The following EPHA6 variants were observed in gnomAD, a reference collection of about 807,000 sequenced individuals.
EPHA6 encodes the protein ephrin type-A receptor 6.
A neutral mutation model predicts 112.0 loss-of-function variants in EPHA6; 50 were observed. The observed-to-expected ratio is 0.45, with a 90% CI of 0.36 to 0.56. EPHA6 has a LOEUF of 0.56. Ranked by LOEUF, EPHA6 falls within the 20% of genes least tolerant of loss-of-function variation. EPHA6 has a pLI of 0.00. For missense variants in EPHA6, 1,280 were observed against 1,417.4 expected (o/e 0.90, Z 1.56); for synonymous variants, 529 against 490.7 (o/e 1.08, Z -1.03).
At chr3:97,044,117 A>G (rs2045421141) in intron 3 of EPHA6, among the ~76,000 whole-genome samples, 1 of 152,198 alleles carries the variant, frequency 6.6e-6, no homozygotes, top group Non-Finnish European at 1.5e-5. Context: ...AACCTAGAAT[A>G]CCTGCTCAGG....
intron 11 of EPHA6, among the ~76,000 whole-genome samples, chr3:97,538,007 C>T (rs1222459065): frequency 6.6e-6 from 1 of 152,088 alleles, no homozygotes; most frequent in African/African-American, 2.4e-5. Context: ...GGGAGCAAAC[C>T]ATGCCTAGGT....
chr3:96,828,887 A>G (rs2033835671), intron 1 of EPHA6, among the ~76,000 whole-genome samples: 5 of 152,182 alleles, frequency 3.3e-5, no homozygotes, highest in Admixed American at 2.0e-4. Context: ...ATTTTATCAC[A>G]TGCTGTTACT....
chr3:96,996,711 A>T (rs1259582746), intron 3 of EPHA6, among the ~76,000 whole-genome samples: 3 of 152,098 alleles, frequency 2.0e-5, no homozygotes. Flanking sequence ...GAACAGATGT[A>T]CTGTCATCAA....
At chr3:97,734,273 A>G (rs958740436) in intron 15 of EPHA6, among the ~76,000 whole-genome samples, 1 of 152,052 alleles carries the variant, frequency 6.6e-6, no homozygotes, top group East Asian at 1.9e-4. Context: ...TGGGATTTCA[A>G]TGTTGTTTTA....
At chr3:97,002,145 A>G (rs1348897318) in intron 3 of EPHA6, among the ~76,000 whole-genome samples, 1 of 151,728 alleles carries the variant, frequency 6.6e-6, no homozygotes, top group Non-Finnish European at 1.5e-5. Flanking sequence ...CTTTATGTTT[A>G]CAATTAAATA....
At chr3:97,543,427 G>A (rs2092896906) in intron 11 of EPHA6, among the ~76,000 whole-genome samples, 2 of 152,162 alleles carry the variant, frequency 1.3e-5, no homozygotes, top group Non-Finnish European at 2.9e-5. Flanking sequence ...TTATTTCTGA[G>A]GGCTCTGTTC....
chr3:97,382,318 T>A (rs1245120895), intron 5 of EPHA6, among the ~76,000 whole-genome samples: 2 of 152,096 alleles, frequency 1.3e-5, no homozygotes, highest in African/African-American at 4.8e-5. Context: ...GATGACCTTT[T>A]CTTCAATAAG....
chr3:97,406,476 C>T (rs775551792), intron 6 of EPHA6, among the ~76,000 whole-genome samples: 6 of 152,084 alleles, frequency 3.9e-5, no homozygotes, highest in Non-Finnish European at 7.4e-5. Flanking sequence ...ACCAATCCCG[C>T]AAATGAAGCC....
intron 3 of EPHA6, among the ~76,000 whole-genome samples, chr3:96,998,158 A>G (rs2043492820): frequency 6.6e-6 from 1 of 151,982 alleles, no homozygotes. Flanking sequence ...AAATTTACAC[A>G]CATTTCTATG....
chr3:96,913,777 C>A (rs2039349008), intron 2 of EPHA6, among the ~76,000 whole-genome samples: 1 of 151,952 alleles, frequency 6.6e-6, no homozygotes, highest in South Asian at 2.1e-4. Context: ...AGACAGTTTT[C>A]CAGATTAATA....
intron 14 of EPHA6, among the ~76,000 whole-genome samples, chr3:97,679,131 A>G (rs570307565): frequency 2.6e-5 from 4 of 152,228 alleles, no homozygotes; most frequent in African/African-American, 7.2e-5. Flanking sequence ...CAATTTTTCT[A>G]CTAATGATTT....
At chr3:97,747,291 A>T in intron 16 of EPHA6, 132 bp from the exon 17 acceptor site, 1 of 746,050 alleles carries the variant, frequency 1.3e-6, no homozygotes, top group Non-Finnish European at 2.0e-6. Flanking sequence ...ATAGAAAATC[A>T]GAGGCTTTCA....
chr3:97,649,883 G>A (rs984645117), intron 14 of EPHA6, among the ~76,000 whole-genome samples: 4 of 151,888 alleles, frequency 2.6e-5, no homozygotes, highest in Admixed American at 6.6e-5. Context: ...GGAAGAAATC[G>A]ATGCGCTAAT....
At chr3:97,407,226 T>C (rs1233285928) in intron 6 of EPHA6, among the ~76,000 whole-genome samples, 2 of 152,058 alleles carry the variant, frequency 1.3e-5, no homozygotes, top group African/African-American at 4.8e-5. Flanking sequence ...GGTAATCTTT[T>C]ACAGTTCTAG....
chr3:96,929,483 C>T (rs1037857981), intron 2 of EPHA6, among the ~76,000 whole-genome samples: 4 of 152,188 alleles, frequency 2.6e-5, no homozygotes, highest in African/African-American at 9.6e-5. Flanking sequence ...ATTTCTCCTT[C>T]ACTTATGAAG....
chr3:97,300,633 A>G (rs1368142387), intron 5 of EPHA6, among the ~76,000 whole-genome samples: 1 of 152,144 alleles, frequency 6.6e-6, no homozygotes, highest in African/African-American at 2.4e-5. Flanking sequence ...TCTAAATACC[A>G]GGAGACCTCT....
intron 3 of EPHA6, among the ~76,000 whole-genome samples, chr3:97,083,471 T>G (rs2046789550): frequency 6.6e-6 from 1 of 152,022 alleles, no homozygotes; most frequent in South Asian, 2.1e-4. Flanking sequence ...ACTCATTGTT[T>G]ACACCACTTC....
At chr3:96,983,495 C>T (rs574665019) in intron 2 of EPHA6, among the ~76,000 whole-genome samples, 20 of 152,184 alleles carry the variant, frequency 1.3e-4, no homozygotes, top group African/African-American at 3.9e-4. Flanking sequence ...ATTTTTTCCT[C>T]CATTTCAACT....
At chr3:97,439,953 T>C (rs1251797608) in intron 6 of EPHA6, among the ~76,000 whole-genome samples, 2 of 152,114 alleles carry the variant, frequency 1.3e-5, no homozygotes, top group East Asian at 3.9e-4. Context: ...TGTTAAATGG[T>C]TTAGCGATTC....
Sources: allele counts gnomAD v4.1 joint callset (sites outside exome capture counted in the v4.1 genomes callset), GRCh38; gene constraint gnomAD v4.1.1; transcripts MANE v1.5; gene names NCBI Gene and HGNC (gene_info 2026-07-23, HGNC 2026-07-21).